VAV2: variants seen among roughly 807,000 people sequenced by gnomAD.
VAV2 encodes guanine nucleotide exchange factor VAV2.
A neutral mutation model predicts 132.5 loss-of-function variants in VAV2; 67 were observed. That is an observed-to-expected ratio of 0.51 (90% confidence interval 0.42 to 0.62). The LOEUF (loss-of-function observed/expected upper bound fraction) is 0.62. Ranked by LOEUF, VAV2 falls within the 20% of genes least tolerant of loss-of-function variation. The pLI, the probability that VAV2 is intolerant of heterozygous loss-of-function variation, is 0.00. For synonymous variants in VAV2, 492 were observed against 443.5 expected (o/e 1.11, Z -1.37); for missense variants, 938 against 1,153.6 (o/e 0.81, Z 2.71).
At position 133,939,196 on chromosome 9, in the gene VAV2, G is replaced by A. The variant is rs7020602; in HGVS notation, c.228C>T (p.Arg76=). 1.1e-4 allele frequency: 184 copies of A among 1,614,278 alleles called. No homozygotes were observed. The African/African-American group carries it at 2.0e-3, about 18-fold the overall frequency. ...MSQFLCLKNI[R]TFLKVCHDKF... is the part of the protein sequence containing the mutation. ...TATCGTGGCAGACTTTCAGGAAGGT[G>A]CGTATGTTCTTCAAACACAGAAACT... Residue 76 remains arginine (R), a synonymous_variant, in exon 2 of 30, where the codon CGC becomes CGT. Transcript: ENST00000371850.
intron 10 of VAV2, 103 bp downstream of exon 10, chr9:133,797,607 C>A: frequency 9.6e-7 from 1 of 1,044,666 alleles, no homozygotes. Context: ...CCATCACCAC[C>A]TTCCCAACAA....
chr9:133,778,540 C>T (rs1320176066), intron 22 of VAV2, among the ~76,000 whole-genome samples: 1 of 152,232 alleles, frequency 6.6e-6, no homozygotes, highest in Admixed American at 6.5e-5. Flanking sequence ...AAGCAAACAC[C>T]CGGGGAGCCC....
At chr9:133,800,448 T>C (rs907925443) in intron 9 of VAV2, among the ~76,000 whole-genome samples, 33 of 152,172 alleles carry the variant, frequency 2.2e-4, no homozygotes, top group African/African-American at 6.5e-4. Context: ...CATGGAGCCA[T>C]GTCTGCTGCT....
chr9:133,885,466 G>A lies in VAV2; in HGVS notation c.322-24034C>T, dbSNP rs541505739. 7.9e-5 allele frequency among the ~76,000 whole-genome samples: 12 copies of A among 152,306 alleles called. No individual in the cohort carries two copies. Among genetic ancestry groups the A allele is most frequent in the Admixed American group, 2.6e-4 (4 of 15,298 alleles). Reference sequence around the variant, plus strand: ...TTGATCCAAGGGCACAGCGGTGGCCGGTACTTCCTGAGGGCCTGCCACTGT... The same window carrying A: ...TTGATCCAAGGGCACAGCGGTGGCCAGTACTTCCTGAGGGCCTGCCACTGT... On this transcript the variant is annotated intron_variant, in intron 2 of 29. Coordinates refer to ENST00000371850, the MANE Select transcript of VAV2 (RefSeq NM_001134398.2). The surrounding 1 kb of genome is among the most constrained non-coding windows in gnomAD (Gnocchi z 5.0).
At chr9:133,878,820 G>A (rs73559892) in intron 2 of VAV2, among the ~76,000 whole-genome samples, 2,582 of 152,328 alleles carry the variant, frequency 0.017, 30 homozygotes, top group South Asian at 0.055. Context: ...TGGGGGCAGG[G>A]GCCAGGGACA....
In VAV2 at chr9:133,763,666, G is replaced by T; in HGVS notation, c.*396C>A. 1 of 213,068 alleles carries T rather than the reference G, an allele frequency of 4.7e-6. No individual in the cohort carries two copies. Among genetic ancestry groups the T allele is most frequent in the South Asian group, 8.1e-5 (1 of 12,422 alleles). 13.2% of individuals were successfully genotyped at this position (213,068 alleles called of 1,614,324 possible). On this transcript the variant is annotated 3_prime_UTR_variant, in exon 30 of 30. Coordinates refer to ENST00000371850, the MANE Select transcript of VAV2 (RefSeq NM_001134398.2). This position sits in a 1 kb window ranked among gnomAD's most constrained non-coding sequence, Gnocchi z 6.8. Reference sequence around the variant, plus strand: ...GAGGGTGTGGGGGCAGGTCCCCTCCGATGTCCCTAGCCCTTCCTGGGACAG... The same window carrying T: ...GAGGGTGTGGGGGCAGGTCCCCTCCTATGTCCCTAGCCCTTCCTGGGACAG...
At chr9:133,779,748 C>A (rs1005140296) in intron 21 of VAV2, among the ~76,000 whole-genome samples, 170 bp downstream of exon 21, 4 of 152,150 alleles carry the variant, frequency 2.6e-5, no homozygotes, top group African/African-American at 9.7e-5. Flanking sequence ...CAAGGAGGTG[C>A]CATAGAGGCC....
In VAV2 at chr9:133,762,841, GA is replaced by G. The variant is rs1449568650; in HGVS notation, c.*1220del. On this transcript the variant is annotated 3_prime_UTR_variant, in exon 30 of 30. Coordinates refer to ENST00000371850, the MANE Select transcript of VAV2 (RefSeq NM_001134398.2). This position sits in a 1 kb window ranked among gnomAD's most constrained non-coding sequence, Gnocchi z 5.0. ...CTCCCACAGGCTGTGCAGCTGGCCA[GA>G]GGGAGAAGGGGCTACAAGAAGCCCA... is the stretch of plus-strand genomic sequence containing the variant. 2.6e-5 allele frequency: 4 copies of G among 152,598 alleles called. No individual in the cohort carries two copies. The highest frequency in any genetic ancestry group is 7.2e-5 in the African/African-American group (3 of 41,466). The allele number at this position is 152,598 out of a possible 1,614,324, so 9.5% of individuals were successfully genotyped here.
chr9:133,825,133 G>A (rs1008967880), intron 4 of VAV2, among the ~76,000 whole-genome samples: 1 of 148,152 alleles, frequency 6.7e-6, no homozygotes, highest in African/African-American at 2.5e-5. Flanking sequence ...GGCCAGTGGG[G>A]AGGCAGCTCC....
intron 1 of VAV2, among the ~76,000 whole-genome samples, chr9:133,964,028 T>TATATATATATATATATACATATATATAC (rs1564507358): frequency 4.1e-5 from 3 of 72,858 alleles, no homozygotes; most frequent in Non-Finnish European, 9.0e-5. Flanking sequence ...CATTCATATA[T>TATATATATATATATATACATATATATAC]ATATATATAT....
At chr9:133,948,186 A>G (rs1475774060) in intron 1 of VAV2, among the ~76,000 whole-genome samples, 3 of 152,240 alleles carry the variant, frequency 2.0e-5, no homozygotes, top group African/African-American at 7.2e-5. Context: ...CAGGGAAAGC[A>G]CAGCTCAGCC....
intron 1 of VAV2, among the ~76,000 whole-genome samples, chr9:133,979,511 C>T (rs419240): frequency 5.9e-5 from 9 of 152,140 alleles, no homozygotes; most frequent in African/African-American, 1.9e-4. Flanking sequence ...ACGCCGCAGC[C>T]GTCCGGAACT....
intron 1 of VAV2, among the ~76,000 whole-genome samples, chr9:133,971,842 C>T (rs1842344945): frequency 6.6e-6 from 1 of 152,196 alleles, no homozygotes; most frequent in South Asian, 2.1e-4. Context: ...AGGGCAACTC[C>T]TGGTCCAACA....
At chr9:133,781,948 C>T (rs1182239324) in intron 19 of VAV2, among the ~76,000 whole-genome samples, 3 of 152,094 alleles carry the variant, frequency 2.0e-5, no homozygotes, top group East Asian at 1.9e-4. Context: ...ATGGGGTGGG[C>T]GGGTGTGCGC....
rs1393249551 is a variant in VAV2, at chr9:133,964,032, TATATATATATATATATACATATATATAC to T, written c.205-24841_205-24814del. 6.3e-5 allele frequency among the ~76,000 whole-genome samples: 6 copies of T among 94,780 alleles called. No individual in the cohort carries two copies. The East Asian group carries it at 2.1e-3, about 33-fold the overall frequency. The allele number at this position is 94,780 out of a possible 152,430, so 62.2% of individuals were successfully genotyped here. A position where few individuals can be genotyped will look rare whatever the true frequency, so the allele number is the denominator to read the frequency against. ...AAAAAATTATTCATTCATATATATA[TATATATATATATATATACATATATATAC>T]ATATATATAAATGAATAGGCCAGGT... On this transcript the variant is annotated intron_variant, in intron 1 of 29. Coordinates refer to ENST00000371850, the MANE Select transcript of VAV2 (RefSeq NM_001134398.2).
intron 1 of VAV2, among the ~76,000 whole-genome samples, chr9:133,985,226 T>TTGTGTG (rs59748267): frequency 3.5e-4 from 48 of 137,240 alleles, no homozygotes; most frequent in African/African-American, 8.5e-4. Flanking sequence ...TCTTGCCTTA[T>TTGTGTG]TGTGTGTGTG....
rs182728094 is a variant in VAV2, at chr9:133,964,702, C to G, written c.205-25483G>C. The stretch of plus-strand genomic sequence containing the variant: ...CAATAAACATGATATATCACATCAA[C>G]AGAAGGAAGAACAAAAACCATATGA... On this transcript the variant is annotated intron_variant, in intron 1 of 29. Coordinates refer to ENST00000371850, the MANE Select transcript of VAV2 (RefSeq NM_001134398.2). Among the ~76,000 whole-genome samples the G allele has an allele frequency of 1.6e-4, 25 of 152,186 alleles. 1 individual carries two copies. The highest frequency in any genetic ancestry group is 1.4e-3 in the Admixed American group (22 of 15,292).
At chr9:133,858,194 C>CG (rs1564411249) in intron 3 of VAV2, among the ~76,000 whole-genome samples, 1 of 152,184 alleles carries the variant, frequency 6.6e-6, no homozygotes. Context: ...CGTTGGGCCA[C>CG]GCAGCGTATG....
At chr9:133,825,276 T>C (rs998505753) in intron 4 of VAV2, among the ~76,000 whole-genome samples, 1 of 151,868 alleles carries the variant, frequency 6.6e-6, no homozygotes, top group Non-Finnish European at 1.5e-5. Flanking sequence ...GTCTCTCCAG[T>C]CTCCCCTCCA....
Sources: allele counts gnomAD v4.1 joint callset (sites outside exome capture counted in the v4.1 genomes callset), GRCh38; gene constraint gnomAD v4.1.1; non-coding constraint Gnocchi (gnomAD v3.1); transcripts MANE v1.5; gene names NCBI Gene and HGNC (gene_info 2026-07-23, HGNC 2026-07-21).